NRG3: variants seen among roughly 807,000 people sequenced by gnomAD.
NRG3 encodes neuregulin 3, also known as pro-neuregulin-3, membrane-bound isoform.
A neutral mutation model predicts 66.9 loss-of-function variants in NRG3; 31 were observed. The observed-to-expected ratio is 0.46, with a 90% CI of 0.35 to 0.63. NRG3 has a LOEUF of 0.63. Ranked by LOEUF, NRG3 falls within the 20% of genes least tolerant of loss-of-function variation. The probability of loss-of-function intolerance (pLI) is 0.00; values close to 1 mark genes in which losing one functional copy is unlikely to be tolerated. For missense variants in NRG3, 910 were observed against 878.9 expected (o/e 1.04, Z -0.45); for synonymous variants, 393 against 359.4 (o/e 1.09, Z -1.06).
chr10:82,690,757 G>A (rs1041908526), intron 2 of NRG3, among the ~76,000 whole-genome samples: 2 of 152,060 alleles, frequency 1.3e-5, no homozygotes, highest in African/African-American at 4.8e-5. Flanking sequence ...CTTAAGTATT[G>A]TTAGCTTCCT....
At chr10:82,390,446 G>C (rs2086279667) in intron 2 of NRG3, among the ~76,000 whole-genome samples, 1 of 152,088 alleles carries the variant, frequency 6.6e-6, no homozygotes, top group African/African-American at 2.4e-5. Context: ...AGTAAATCTT[G>C]AGGAAGAAGT....
intron 1 of NRG3, among the ~76,000 whole-genome samples, chr10:82,055,164 T>C (rs2063774523): frequency 6.7e-6 from 1 of 150,130 alleles, no homozygotes; most frequent in Admixed American, 6.6e-5. Flanking sequence ...AATAGAGAGG[T>C]CATTGGTGAT....
intron 3 of NRG3, among the ~76,000 whole-genome samples, chr10:82,742,811 C>A (rs1370913804): frequency 6.6e-6 from 1 of 152,132 alleles, no homozygotes; most frequent in Non-Finnish European, 1.5e-5. Flanking sequence ...CCCATTCCCA[C>A]CCAGGGTAGT....
At chr10:82,699,287 G>A (rs1203323615) in intron 2 of NRG3, among the ~76,000 whole-genome samples, 1 of 151,536 alleles carries the variant, frequency 6.6e-6, no homozygotes, top group Non-Finnish European at 1.5e-5. Flanking sequence ...AAGCAAGGGA[G>A]GCAGGGAGGG....
chr10:82,078,443 C>T (rs1471960356), intron 1 of NRG3, among the ~76,000 whole-genome samples: 7 of 152,294 alleles, frequency 4.6e-5, no homozygotes, highest in African/African-American at 1.2e-4. Flanking sequence ...CTCCGCCTCC[C>T]GCGTTCATGC....
At chr10:82,632,066 C>T (rs933436959) in intron 2 of NRG3, among the ~76,000 whole-genome samples, 1 of 152,126 alleles carries the variant, frequency 6.6e-6, no homozygotes, top group African/African-American at 2.4e-5. Context: ...CACGCCATTG[C>T]ACCTCCAACC....
chr10:81,924,222 A>G (rs773752551), intron 1 of NRG3, among the ~76,000 whole-genome samples: 1 of 152,234 alleles, frequency 6.6e-6, no homozygotes, highest in Admixed American at 6.5e-5. Context: ...TACCACAACA[A>G]TGTGTATCTT....
intron 2 of NRG3, among the ~76,000 whole-genome samples, chr10:82,430,878 G>C (rs2089760612): frequency 6.6e-6 from 1 of 152,112 alleles, no homozygotes; most frequent in African/African-American, 2.4e-5. Context: ...ATCTTTGGCT[G>C]TTTACAACTC....
chr10:81,951,566 A>G (rs1351608913), intron 1 of NRG3, among the ~76,000 whole-genome samples: 1 of 152,148 alleles, frequency 6.6e-6, no homozygotes, highest in Non-Finnish European at 1.5e-5. Flanking sequence ...AGTGGATTGG[A>G]ATTATTTTAT....
chr10:82,632,709 T>C (rs1025936351), intron 2 of NRG3, among the ~76,000 whole-genome samples: 1 of 152,230 alleles, frequency 6.6e-6, no homozygotes, highest in African/African-American at 2.4e-5. Flanking sequence ...CCCAAAATAC[T>C]TGTGAATCAT....
intron 3 of NRG3, among the ~76,000 whole-genome samples, chr10:82,854,688 A>G (rs1270362076): frequency 1.3e-5 from 2 of 152,182 alleles, no homozygotes; most frequent in Admixed American, 1.3e-4. Context: ...TAACAAAATC[A>G]TTTTTTAAAA....
At chr10:82,809,039 G>A (rs2061392868) in intron 3 of NRG3, among the ~76,000 whole-genome samples, 1 of 152,172 alleles carries the variant, frequency 6.6e-6, no homozygotes, top group Non-Finnish European at 1.5e-5. Flanking sequence ...AGCAGTGACT[G>A]AGAGGAGGCG....
chr10:82,397,944 T>G (rs2086819603), intron 2 of NRG3, among the ~76,000 whole-genome samples: 1 of 152,110 alleles, frequency 6.6e-6, no homozygotes, highest in South Asian at 2.1e-4. Flanking sequence ...CATCTGCTGT[T>G]TTTCTCACCC....
At chr10:81,904,161 C>T (rs1844365381) in intron 1 of NRG3, among the ~76,000 whole-genome samples, 1 of 151,874 alleles carries the variant, frequency 6.6e-6, no homozygotes, top group African/African-American at 2.4e-5. Context: ...AGGCATGCAA[C>T]ACCATGCCTG....
At chr10:82,724,074 G>GA (rs140370350) in intron 2 of NRG3, among the ~76,000 whole-genome samples, 19 of 148,800 alleles carry the variant, frequency 1.3e-4, no homozygotes, top group East Asian at 7.8e-4. Flanking sequence ...GAAAAAAAAA[G>GA]AAAAAAAAAC....
chr10:82,377,157 A>G (rs2135800586), intron 2 of NRG3, among the ~76,000 whole-genome samples: 1 of 152,244 alleles, frequency 6.6e-6, no homozygotes, highest in Middle Eastern at 3.4e-3. Flanking sequence ...TTTCTTTAAT[A>G]GTGAATGCTT....
chr10:82,220,374 C>A (rs2075884430), intron 1 of NRG3, among the ~76,000 whole-genome samples: 1 of 152,030 alleles, frequency 6.6e-6, no homozygotes, highest in East Asian at 1.9e-4. Flanking sequence ...CAGCTGGGGA[C>A]AGGAGTGAAA....
chr10:82,406,241 A>G (rs2087510940), intron 2 of NRG3, among the ~76,000 whole-genome samples: 1 of 152,198 alleles, frequency 6.6e-6, no homozygotes, highest in African/African-American at 2.4e-5. Context: ...GCAGCTGAGG[A>G]CACATCTTTT....
At chr10:82,211,386 A>T (rs76127840) in intron 1 of NRG3, among the ~76,000 whole-genome samples, 210 of 152,312 alleles carry the variant, frequency 1.4e-3, no homozygotes, top group African/African-American at 4.5e-3. Flanking sequence ...AGGAAAATAC[A>T]GGAAGCTTAG....
Sources: gnomAD v4.1 joint callset for allele counts (sites outside exome capture counted in the v4.1 genomes callset) on GRCh38, gnomAD v4.1.1 for gene constraint, MANE v1.5 for transcripts, NCBI Gene and HGNC (gene_info 2026-07-23, HGNC 2026-07-21) for gene names.